Variants in ODF2 observed in about 807,000 individuals in gnomAD.
ODF2 encodes outer dense fiber protein 2.
Under a neutral mutation model 110.2 loss-of-function variants are expected in ODF2, and 47 were observed. The ratio of observed to expected loss-of-function variants is 0.43; its 90% CI spans 0.34 to 0.54. ODF2 has a LOEUF of 0.54. Among genes scored for constraint, ODF2 ranks in the 20% least tolerant of loss-of-function variants. The probability of loss-of-function intolerance (pLI) is 0.03; values close to 1 mark genes in which losing one functional copy is unlikely to be tolerated. For synonymous variants in ODF2, 352 were observed against 397.7 expected (o/e 0.89, Z 1.37); for missense variants, 812 against 1,054.5 (o/e 0.77, Z 3.19).
At chr9:128,471,620 G>GCC in intron 6 of ODF2, 152 bp downstream of exon 6, 1 of 643,900 alleles carries the variant, frequency 1.6e-6, no homozygotes, top group South Asian at 2.0e-5. Flanking sequence ...ATTAATTACA[G>GCC]TTAATTACCT....
At chr9:128,482,664 A>G (rs1359683862) in intron 9 of ODF2, 152 bp from the exon 10 acceptor site, 1 of 529,554 alleles carries the variant, frequency 1.9e-6, no homozygotes, top group African/African-American at 2.0e-5. Flanking sequence ...TTTAATGCAT[A>G]TGTTAGGTGC....
At chr9:128,488,556 T>C (rs1203363543) in intron 14 of ODF2, among the ~76,000 whole-genome samples, 1 of 152,188 alleles carries the variant, frequency 6.6e-6, no homozygotes, top group Non-Finnish European at 1.5e-5. Flanking sequence ...TGGTAACGCA[T>C]GTGAAATGCT....
At chr9:128,457,163 C>G (rs1309681828) in intron 1 of ODF2, 4 of 1,487,102 alleles carry the variant, frequency 2.7e-6, no homozygotes, top group Non-Finnish European at 3.6e-6. Context: ...GCCCCCAGGT[C>G]GCTCAGCCTC....
intron 16 of ODF2, 51 bp downstream of exon 16, chr9:128,492,856 T>G: frequency 6.8e-7 from 1 of 1,474,228 alleles, no homozygotes. Context: ...CATATCTAAC[T>G]CAATGACTGT....
chr9:128,462,335 G>A (rs1308296383), intron 4 of ODF2, among the ~76,000 whole-genome samples: 2 of 152,074 alleles, frequency 1.3e-5, no homozygotes, highest in Non-Finnish European at 2.9e-5. Context: ...TTTTAGTAGA[G>A]ATAGGGTTTG....
chr9:128,499,098 T>C, exon 20 of ODF2: 1 of 1,614,052 alleles, frequency 6.2e-7, no homozygotes. Flanking sequence ...AAAACGGAAT[T>C]GAGCCAGCTG....
intron 5 of ODF2, among the ~76,000 whole-genome samples, chr9:128,470,002 AAAAAAAAAAAAAAAAAATATATATAT>A (rs1839356570): frequency 5.1e-5 from 2 of 39,080 alleles, no homozygotes; most frequent in Admixed American, 7.8e-4. Context: ...AAAAAAAAAA[AAAAAAAAAAAAAAAAAATATATATAT>A]ATATATATAT....
intron 8 of ODF2, 105 bp from the exon 9 acceptor site, chr9:128,481,471 TAAAA>T: frequency 6.0e-6 from 4 of 668,488 alleles, no homozygotes; most frequent in Non-Finnish European, 9.2e-6. Context: ...AGTAAGACTC[TAAAA>T]AAAAAAAAAA....
intron 1 of ODF2, chr9:128,456,835 G>C: frequency 1.5e-6 from 2 of 1,300,238 alleles, no homozygotes; most frequent in Non-Finnish European, 9.8e-7. Context: ...CCCTCGCGGC[G>C]GGGCGCCCGG....
At position 128,463,969 on chromosome 9, in the gene ODF2, C is replaced by T. The variant is rs960940150; in HGVS notation, c.249+2902C>T. On this transcript the variant is annotated intron_variant, in intron 4 of 20. Transcript: ENST00000604420. ...AAGCGATTCTCCTGCCTCAGCTTCC[C>T]GAGTAGCTGGGATTACAGGCACGCA... 3.3e-5 allele frequency among the ~76,000 whole-genome samples: 5 copies of T among 151,996 alleles called. No homozygotes were observed. The East Asian group carries it at 7.7e-4, about 24-fold the overall frequency.
rs369064047 is a variant in ODF2 at position 128,493,387 on chromosome 9, A to AAAAC, written c.1752+602_1752+605dup. Among the ~76,000 whole-genome samples, 26 of 152,286 alleles carry AAAAC rather than the reference A, an allele frequency of 1.7e-4. No individual in the cohort carries two copies. The East Asian group carries it at 2.7e-3, about 16-fold the overall frequency. On this transcript the variant is annotated intron_variant, in intron 16 of 20. Transcript: ENST00000604420. Reference sequence around the variant, plus strand: ...GCAACAAGAGTAAATACTCTGTCTCAAAACAAACAAACAAACAAACAAAAA... The same window carrying AAAAC: ...GCAACAAGAGTAAATACTCTGTCTCAAAACAAACAAACAAACAAACAAACAAAAA...
intron 14 of ODF2, among the ~76,000 whole-genome samples, chr9:128,491,353 T>A (rs1020422018): frequency 6.6e-6 from 1 of 150,858 alleles, no homozygotes; most frequent in Admixed American, 6.6e-5. Flanking sequence ...CACAACATAT[T>A]GTTAATTTTA....
chr9:128,500,342 C>A, exon 21 of ODF2: 1 of 1,380,640 alleles, frequency 7.2e-7, no homozygotes, highest in Non-Finnish European at 1.0e-6. Flanking sequence ...GGTGGTTTTC[C>A]TCTCCCAGTG....
chr9:128,459,533 C>A, intron 2 of ODF2, 34 bp from the exon 2 acceptor site: 1 of 1,544,666 alleles, frequency 6.5e-7, no homozygotes, highest in South Asian at 1.1e-5. Context: ...CCCTAGTTTT[C>A]TGCTTACAAT....
chr9:128,469,473 TTGCCCCGGGCTTCAGTTGCC>T, intron 5 of ODF2, 120 bp downstream of exon 5: 1 of 1,074,858 alleles, frequency 9.3e-7, no homozygotes, highest in Non-Finnish European at 1.4e-6. Flanking sequence ...CTCTGCAGGG[TTGCCCCGGGCTTCAGTTGCC>T]TGCCCCGGGA....
At chr9:128,477,740 G>GGATT (rs1417626666) in intron 8 of ODF2, among the ~76,000 whole-genome samples, 2 of 151,656 alleles carry the variant, frequency 1.3e-5, no homozygotes, top group East Asian at 3.9e-4. Context: ...CAAGCAGCTG[G>GGATT]GATTACAGGT....
chr9:128,455,705 G>T (rs910815241), upstream of ODF2, among the ~76,000 whole-genome samples: 1 of 151,754 alleles, frequency 6.6e-6, no homozygotes, highest in Non-Finnish European at 1.5e-5. Flanking sequence ...CGCAGAAGCC[G>T]ACTCCATCTC....
At chr9:128,488,167 C>G in intron 14 of ODF2, 142 bp downstream of exon 14, 1 of 978,278 alleles carries the variant, frequency 1.0e-6, no homozygotes, top group East Asian at 2.6e-5. Flanking sequence ...GTGGCTTAGG[C>G]CTGTAATCCC....
intron 1 of ODF2, chr9:128,456,782 T>G: frequency 2.5e-6 from 2 of 791,772 alleles, no homozygotes; most frequent in East Asian, 3.5e-5. Context: ...GCCCGCCCCC[T>G]CCCAGCCCGG....
Sources: allele counts gnomAD v4.1 joint callset (sites outside exome capture counted in the v4.1 genomes callset), GRCh38; gene constraint gnomAD v4.1.1; transcripts MANE v1.5; gene names NCBI Gene and HGNC (gene_info 2026-07-23, HGNC 2026-07-21).